The following PLA2G4C variants were observed in gnomAD, a reference collection of about 807,000 sequenced individuals.
PLA2G4C encodes the protein phospholipase A2 group IVC, also known as cytosolic phospholipase A2 gamma.
Under a neutral mutation model 73.8 loss-of-function variants are expected in PLA2G4C, and 64 were observed. The observed-to-expected ratio is 0.87, with a 90% CI of 0.71 to 1.07. The LOEUF is 1.07. PLA2G4C is among the 50% of genes least tolerant of loss of function. The pLI, the probability that PLA2G4C is intolerant of heterozygous loss-of-function variation, is 0.00. For synonymous variants in PLA2G4C, 254 were observed against 252.1 expected (o/e 1.01, Z -0.07); for missense variants, 622 against 665.4 (o/e 0.93, Z 0.72).
intron 10 of PLA2G4C, among the ~76,000 whole-genome samples, chr19:48,079,114 C>T (rs1222350046): frequency 2.6e-5 from 4 of 152,104 alleles, no homozygotes; most frequent in Admixed American, 6.6e-5. Flanking sequence ...GTGATCCACC[C>T]GCCTTGGCCT....
intron 10 of PLA2G4C, among the ~76,000 whole-genome samples, chr19:48,078,808 C>T (rs1400107618): frequency 3.3e-5 from 5 of 151,578 alleles, no homozygotes; most frequent in African/African-American, 1.2e-4. Context: ...AAGCAATCTA[C>T]AAGTCCAGTG....
At chr19:48,091,750 C>G (rs375058114) in intron 7 of PLA2G4C, among the ~76,000 whole-genome samples, 1 of 151,650 alleles carries the variant, frequency 6.6e-6, no homozygotes. Flanking sequence ...ATTAGCCAGG[C>G]CTGGTGGTAT....
chr19:48,059,270 C>CAAA (rs10686659), intron 14 of PLA2G4C, among the ~76,000 whole-genome samples: 8,469 of 138,892 alleles, frequency 0.061, 298 homozygotes, highest in Middle Eastern at 0.12. Flanking sequence ...GACTCTGTCT[C>CAAA]AAAAAAAAAA....
At chr19:48,106,649 A>G (rs2032251924) in intron 1 of PLA2G4C, 88 bp from the exon 2 acceptor site, 2 of 1,011,984 alleles carry the variant, frequency 2.0e-6, no homozygotes, top group South Asian at 1.3e-5. Flanking sequence ...TCACGGGCTC[A>G]TGGGTTCTCC....
chr19:48,060,485 C>T (rs1362379257), intron 14 of PLA2G4C, among the ~76,000 whole-genome samples: 1 of 152,086 alleles, frequency 6.6e-6, no homozygotes, highest in Non-Finnish European at 1.5e-5. Context: ...CTCATCATCA[C>T]CAGATAAGCA....
intron 8 of PLA2G4C, 126 bp from the exon 9 acceptor site, chr19:48,088,838 G>A (rs1600226408): frequency 2.7e-6 from 2 of 751,900 alleles, no homozygotes; most frequent in East Asian, 2.7e-5. Context: ...GGCTCCAATG[G>A]CAGCCAATGG....
chr19:48,103,210 T>C (rs1302299911), intron 4 of PLA2G4C, among the ~76,000 whole-genome samples: 2 of 151,994 alleles, frequency 1.3e-5, no homozygotes, highest in Non-Finnish European at 2.9e-5. Context: ...TCGGAAAGAT[T>C]CCAGAAGAAA....
rs1444377771 is a variant in PLA2G4C, at chr19:48,077,790, C to T, written c.879G>A (p.Gly293=). ...RLLRLQESSQ[G]EHPPPEDEGG... The stretch of plus-strand genomic sequence containing the variant: ...GCTTACCTTCTGGGGGAGGATGTTC[C>T]CCTTGTGAACTTTCTTGCAGCCTCA... Residue 293 remains glycine (G), a synonymous_variant, in exon 11 of 17, where the codon GGG becomes GGA. Coordinates refer to ENST00000599921, the MANE Select transcript of PLA2G4C (RefSeq NM_003706.3). The T allele has an allele frequency of 4.4e-6, 7 of 1,605,808 alleles. No homozygotes were observed. Among genetic ancestry groups the T allele is most frequent in the Non-Finnish European group, 5.1e-6 (6 of 1,176,480 alleles).
intron 12 of PLA2G4C, among the ~76,000 whole-genome samples, chr19:48,073,241 G>T (rs2029914637): frequency 6.6e-6 from 1 of 151,916 alleles, no homozygotes; most frequent in Admixed American, 6.6e-5. Context: ...GTAGAGATGG[G>T]GTCTTGCTAT....
intron 13 of PLA2G4C, among the ~76,000 whole-genome samples, chr19:48,067,334 A>G (rs1968470170): frequency 6.6e-6 from 1 of 151,792 alleles, no homozygotes; most frequent in African/African-American, 2.4e-5. Flanking sequence ...TGTCCGGCTA[A>G]TTTTTGTATT....
intron 6 of PLA2G4C, 57 bp downstream of exon 6, chr19:48,098,082 C>T: frequency 6.4e-7 from 1 of 1,572,654 alleles, no homozygotes. Context: ...TTCTTCCATT[C>T]CACTCCGTGC....
chr19:48,049,622 G>T, intron 16 of PLA2G4C, among the ~76,000 whole-genome samples: 1 of 152,178 alleles, frequency 6.6e-6, no homozygotes, highest in Middle Eastern at 3.2e-3. Context: ...TGGAATCAAT[G>T]AATGAAAGAA....
intron 5 of PLA2G4C, 80 bp from the exon 6 acceptor site, chr19:48,098,339 T>G: frequency 7.2e-7 from 1 of 1,382,976 alleles, no homozygotes; most frequent in East Asian, 2.5e-5. Flanking sequence ...AGGCCACATT[T>G]TTTTTTAGAG....
At chr19:48,103,825 G>A (rs1159121872) in intron 4 of PLA2G4C, among the ~76,000 whole-genome samples, 1 of 152,128 alleles carries the variant, frequency 6.6e-6, no homozygotes, top group Non-Finnish European at 1.5e-5. Flanking sequence ...ATGGCTTTGT[G>A]TAGCAAAGAA....
At chr19:48,060,954 A>G (rs555449415) in intron 14 of PLA2G4C, among the ~76,000 whole-genome samples, 41 of 152,292 alleles carry the variant, frequency 2.7e-4, no homozygotes, top group Middle Eastern at 3.4e-3. Flanking sequence ...ATGTATTGGT[A>G]TGTATCATGT....
Position 48,057,480 on chromosome 19 carries a change from C to CTTTTTTTT in PLA2G4C, c.1258-2432_1258-2431insAAAAAAAA, listed in dbSNP as rs1260409498. Reference sequence around the variant, plus strand: ...GTTTCTTCTTCTTCTTCTTCTTCTTCTTCTTTTTTTTTTTTTTTTTTTTTT... The same window carrying CTTTTTTTT: ...GTTTCTTCTTCTTCTTCTTCTTCTTCTTTTTTTTTTCTTTTTTTTTTTTTTTTTTTTTT... On this transcript the variant is annotated intron_variant, in intron 14 of 16. Transcript: ENST00000599921. Among the ~76,000 whole-genome samples, 271 of 28,034 alleles carry CTTTTTTTT rather than the reference C, an allele frequency of 9.7e-3. 14 individuals carry two copies. Among genetic ancestry groups the CTTTTTTTT allele is most frequent in the South Asian group, 0.016 (5 of 308 alleles). 18.4% of individuals were successfully genotyped at this position (28,034 alleles called of 152,430 possible).
chr19:48,110,531 T>TGCTTCGGAATCCGGTGCGGAGGCTTGG lies in PLA2G4C; in HGVS notation c.-78_-77insCCAAGCCTCCGCACCGGATTCCGAAGC. The TGCTTCGGAATCCGGTGCGGAGGCTTGG allele has an allele frequency of 1.4e-6, 2 of 1,386,158 alleles. No homozygotes were observed. Among genetic ancestry groups the TGCTTCGGAATCCGGTGCGGAGGCTTGG allele is most frequent in the Non-Finnish European group, 1.9e-6 (2 of 1,049,482 alleles). 85.9% of individuals were successfully genotyped at this position (1,386,158 alleles called of 1,614,324 possible). ...GTGTGCGCATGCGCGGTGGAGCTTG[T>TGCTTCGGAATCCGGTGCGGAGGCTTGG]GCTCCGGAATCCGGTGCGGAGGCTT... On this transcript the variant is annotated 5_prime_UTR_variant, in exon 1 of 17. Transcript: ENST00000599921.
intron 12 of PLA2G4C, among the ~76,000 whole-genome samples, chr19:48,068,170 T>TGGC (rs1968515759): frequency 6.6e-6 from 1 of 152,058 alleles, no homozygotes; most frequent in South Asian, 2.1e-4. Flanking sequence ...GGCGTGGTGG[T>TGGC]GGCGCATGCC....
intron 14 of PLA2G4C, among the ~76,000 whole-genome samples, chr19:48,056,880 A>T (rs1026290592): frequency 9.9e-5 from 15 of 151,314 alleles, no homozygotes; most frequent in African/African-American, 3.6e-4. Flanking sequence ...TGTTTCCAGG[A>T]ACAGAAAACC....
Sources: gnomAD v4.1 joint callset for allele counts (sites outside exome capture counted in the v4.1 genomes callset) on GRCh38, gnomAD v4.1.1 for gene constraint, MANE v1.5 for transcripts, NCBI Gene and HGNC (gene_info 2026-07-23, HGNC 2026-07-21) for gene names.